Variants in CNNM1 observed in about 807,000 individuals in gnomAD.
CNNM1 encodes the protein metal transporter CNNM1.
CNNM1 carries 44 observed loss-of-function variants against 78.8 expected under a neutral mutation model. That is an observed-to-expected ratio of 0.56 (90% CI 0.44 to 0.72). CNNM1 has a LOEUF of 0.72. CNNM1 is among the 30% of genes least tolerant of loss of function. CNNM1 has a pLI of 0.00. For synonymous variants in CNNM1, 584 were observed against 581.5 expected (o/e 1.00, Z -0.06); for missense variants, 1,101 against 1,292.2 (o/e 0.85, Z 2.27).
In CNNM1 at chr10:99,388,316, C is replaced by T. The variant is rs1402024390; in HGVS notation, c.2674+15C>T. On this transcript the variant is annotated intron_variant, in intron 9 of 10. Transcript: ENST00000356713. ...CACGAGAGCAGGTCAGGGAGGCCAG[C>T]TGGGCCCAGTGCAGCAAGGGAGATC... 1 of 1,611,086 alleles carries T rather than the reference C, an allele frequency of 6.2e-7. No homozygotes were observed. Among genetic ancestry groups the T allele is most frequent in the Non-Finnish European group, 8.5e-7 (1 of 1,178,872 alleles).
At chr10:99,341,930 G>GGATCAT (rs1398041818) in intron 1 of CNNM1, among the ~76,000 whole-genome samples, 14 of 152,092 alleles carry the variant, frequency 9.2e-5, no homozygotes, top group African/African-American at 3.4e-4. Context: ...TGATGACGCA[G>GGATCAT]GATCATGATC....
rs761390514 is a variant in CNNM1 at position 99,330,236 on chromosome 10, C to T, written c.849C>T (p.Leu283=). The change falls in exon 1 of 11, where the codon CTC becomes CTT. Residue 283 remains leucine, a synonymous_variant. Transcript: ENST00000356713. ...TTCGCGGCAGGGGGACCCATCTGCT[C>T]TGCACCCTACTCCTGGGCCAAGCCG... ...QAVRGRGTHL[L]CTLLLGQAGA... The T allele has an allele frequency of 2.0e-6, 3 of 1,537,672 alleles. No homozygotes were observed. The highest frequency in any genetic ancestry group is 2.6e-6 in the Non-Finnish European group (3 of 1,143,894).
chr10:99,330,376 T>A lies in CNNM1; in HGVS notation c.989T>A (p.Val330Glu). 4 of 1,597,312 alleles carry A rather than the reference T, an allele frequency of 2.5e-6. No individual in the cohort carries two copies. Among genetic ancestry groups the A allele is most frequent in the Non-Finnish European group, 3.4e-6 (4 of 1,173,166 alleles). Residue 330 changes from valine (V) to glutamate (E), a missense_variant, in exon 1 of 11, where the codon GTG (valine) becomes GAG (glutamate). Physicochemically the swap from Val to Glu is moderately radical, Grantham distance 121. Coordinates refer to ENST00000356713, the MANE Select transcript of CNNM1 (RefSeq NM_020348.3). ...CACTTCCCGTGGCTGCCGGCGCTCG[T>A]GTGCACCGGCGCGGTATTCCTGGGC... ...GIHFPWLPAL[V>E]CTGAVFLGAE...
chr10:99,380,708 T>C (rs577952041), intron 7 of CNNM1, among the ~76,000 whole-genome samples: 64 of 151,872 alleles, frequency 4.2e-4, no homozygotes, highest in African/African-American at 1.5e-3. Flanking sequence ...GGAAAATCAC[T>C]TGAACCTGGG....
At chr10:99,360,560 A>C (rs1375945775) in intron 2 of CNNM1, among the ~76,000 whole-genome samples, 2 of 152,224 alleles carry the variant, frequency 1.3e-5, no homozygotes, top group African/African-American at 4.8e-5. Context: ...CATGGTAAGT[A>C]GGGGAACCAG....
At position 99,357,664 on chromosome 10, in the gene CNNM1, A is replaced by C. The variant is rs996999826; in HGVS notation, c.1717+9A>C. 3 of 1,599,694 alleles carry C rather than the reference A, an allele frequency of 1.9e-6. No individual in the cohort carries two copies. The highest frequency in any genetic ancestry group is 2.6e-6 in the Non-Finnish European group (3 of 1,172,980). On this transcript the variant is annotated intron_variant, in intron 2 of 10. Coordinates refer to ENST00000356713, the MANE Select transcript of CNNM1 (RefSeq NM_020348.3). Reference sequence around the variant, plus strand: ...TGAAACTGATCTCTACAGTAAGTGCACGGCCTTGGCTGTTCTCCAGGGTCA... The same window carrying C: ...TGAAACTGATCTCTACAGTAAGTGCCCGGCCTTGGCTGTTCTCCAGGGTCA...
Position 99,392,964 on chromosome 10 carries a change from CAA to C in CNNM1, c.*1459_*1460del, listed in dbSNP as rs71488889. On this transcript the variant is annotated 3_prime_UTR_variant, in exon 11 of 11. Transcript: ENST00000356713. ...CAGAGCGAGACTCTGTCTCCCCCCG[CAA>C]AAAAAAAAAAGAAAGAAAGAAAGAG... The C allele has an allele frequency of 3.1e-5, 4 of 130,054 alleles. No homozygotes were observed. Among genetic ancestry groups the C allele is most frequent in the African/African-American group, 2.9e-5 (1 of 34,710 alleles). The allele number at this position is 130,054 out of a possible 1,614,324, so 8.1% of individuals were successfully genotyped here.
rs561180414 is a variant in CNNM1 at position 99,362,714 on chromosome 10, C to T, written c.2028+318C>T. ...CTCTGCGGAAGCTATAATACCTCCT[C>T]ATCTCTGCTTGAACATCCCCTGAAA... On this transcript the variant is annotated intron_variant, in intron 4 of 10. Transcript: ENST00000356713. Among the ~76,000 whole-genome samples, 94 of 152,298 alleles carry T rather than the reference C, an allele frequency of 6.2e-4. 2 individuals carry two copies. In the South Asian group the frequency reaches 0.019, roughly 30 times the overall value.
intron 6 of CNNM1, among the ~76,000 whole-genome samples, chr10:99,373,812 T>C (rs1455364297): frequency 6.6e-6 from 1 of 152,258 alleles, no homozygotes; most frequent in Non-Finnish European, 1.5e-5. Context: ...AGTCTTTGAC[T>C]TTCTGTGTTA....
chr10:99,331,002 C>G, intron 1 of CNNM1, 42 bp downstream of exon 1: 2 of 1,554,066 alleles, frequency 1.3e-6, no homozygotes. Context: ...CTATCCCCTT[C>G]AAAGGTATTA....
chr10:99,347,953 C>T (rs901801616), intron 1 of CNNM1, among the ~76,000 whole-genome samples: 1 of 151,982 alleles, frequency 6.6e-6, no homozygotes, highest in South Asian at 2.1e-4. Context: ...CCACACACTC[C>T]CTCATCACTA....
intron 6 of CNNM1, among the ~76,000 whole-genome samples, chr10:99,373,559 T>C (rs1282323212): frequency 6.6e-6 from 1 of 152,186 alleles, no homozygotes. Context: ...ATCAATTTGC[T>C]TTCTCTTTTC....
At chr10:99,355,596 G>A (rs1452787637) in intron 1 of CNNM1, among the ~76,000 whole-genome samples, 3 of 152,130 alleles carry the variant, frequency 2.0e-5, no homozygotes, top group Non-Finnish European at 2.9e-5. Flanking sequence ...TGTCTATACC[G>A]CAGAAGAAAA....
chr10:99,380,705 C>A (rs933962378), intron 7 of CNNM1, among the ~76,000 whole-genome samples: 35 of 151,940 alleles, frequency 2.3e-4, no homozygotes, highest in African/African-American at 8.2e-4. Context: ...GCAGGAAAAT[C>A]ACTTGAACCT....
chr10:99,378,155 G>A (rs1254735958), intron 7 of CNNM1, among the ~76,000 whole-genome samples: 2 of 151,998 alleles, frequency 1.3e-5, no homozygotes, highest in Non-Finnish European at 2.9e-5. Flanking sequence ...GTAGAGACGG[G>A]GTTTCACCAT....
intron 1 of CNNM1, among the ~76,000 whole-genome samples, chr10:99,355,577 C>T (rs1432714529): frequency 1.3e-5 from 2 of 152,110 alleles, no homozygotes; most frequent in East Asian, 1.9e-4. Context: ...GAAAAAGGAC[C>T]AGGAAATGTG....
At chr10:99,369,324 T>C (rs1589911243) in intron 6 of CNNM1, among the ~76,000 whole-genome samples, 1 of 152,350 alleles carries the variant, frequency 6.6e-6, no homozygotes, top group East Asian at 1.9e-4. Context: ...GTGGTTGTTC[T>C]CTTGGGCTCA....
intron 2 of CNNM1, among the ~76,000 whole-genome samples, chr10:99,358,704 C>T (rs933978717): frequency 1.3e-5 from 2 of 152,110 alleles, no homozygotes; most frequent in Admixed American, 6.5e-5. Context: ...TGTGCTTGCC[C>T]GGACCAGGCG....
In CNNM1 at chr10:99,364,407, T is replaced by G. The variant is rs751000819; in HGVS notation, c.2029-10T>G. 4 of 1,602,558 alleles carry G rather than the reference T, an allele frequency of 2.5e-6. No individual in the cohort carries two copies. The highest frequency in any genetic ancestry group is 3.4e-6 in the Non-Finnish European group (4 of 1,174,494). On this transcript the variant is annotated splice_polypyrimidine_tract_variant and intron_variant, in intron 4 of 10. Transcript: ENST00000356713. ...ACATTCATAGTACACTTCCTTTTTT[T>G]TTTTTCCAGGGTAAAGTGGAGGTGG... is the stretch of plus-strand genomic sequence containing the variant.
Sources: allele counts gnomAD v4.1 joint callset (sites outside exome capture counted in the v4.1 genomes callset), GRCh38; gene constraint gnomAD v4.1.1; transcripts MANE v1.5; gene names NCBI Gene and HGNC (gene_info 2026-07-23, HGNC 2026-07-21).